The following APBB2 variants were observed in gnomAD, a reference collection of about 807,000 sequenced individuals.
The protein encoded by APBB2 is amyloid beta precursor protein binding family B member 2, also known as Fe65-like 1.
In APBB2, 38 loss-of-function variants were observed where a neutral mutation model predicts 82.5. That is an observed-to-expected ratio of 0.46 (90% CI 0.36 to 0.60). The LOEUF is 0.60. Ranked by LOEUF, APBB2 falls within the 20% of genes least tolerant of loss-of-function variation. The probability of loss-of-function intolerance (pLI) is 0.00; values close to 1 mark genes in which losing one functional copy is unlikely to be tolerated. For missense variants in APBB2, 772 were observed against 972.3 expected (o/e 0.79, Z 2.74); for synonymous variants, 341 against 368.2 (o/e 0.93, Z 0.85).
At chr4:41,087,066 G>GGA (rs1293275595) in intron 3 of APBB2, among the ~76,000 whole-genome samples, 1 of 152,160 alleles carries the variant, frequency 6.6e-6, no homozygotes, top group Admixed American at 6.5e-5. Flanking sequence ...CTTGAGCCCA[G>GGA]GAGTTCAAAG....
At chr4:40,955,041 C>G (rs777461097) in intron 6 of APBB2, among the ~76,000 whole-genome samples, 1 of 152,226 alleles carries the variant, frequency 6.6e-6, no homozygotes, top group Non-Finnish European at 1.5e-5. Context: ...CATTCATCCA[C>G]TTACTCATTC....
At chr4:41,004,405 C>T (rs1289487505) in intron 6 of APBB2, among the ~76,000 whole-genome samples, 1 of 152,184 alleles carries the variant, frequency 6.6e-6, no homozygotes, top group Non-Finnish European at 1.5e-5. Flanking sequence ...CACAAAGACA[C>T]ATTTTGTCAG....
intron 12 of APBB2, among the ~76,000 whole-genome samples, chr4:40,836,297 C>T (rs1753919984): frequency 6.6e-6 from 1 of 152,082 alleles, no homozygotes; most frequent in African/African-American, 2.4e-5. Flanking sequence ...GCCAACATGG[C>T]AAAACACCAT....
chr4:40,976,493 T>A (rs1797203406), intron 6 of APBB2, among the ~76,000 whole-genome samples: 1 of 152,246 alleles, frequency 6.6e-6, no homozygotes, highest in South Asian at 2.1e-4. Context: ...ATCTTTTAGT[T>A]AAGGGACTGG....
intron 10 of APBB2, among the ~76,000 whole-genome samples, chr4:40,905,799 C>T (rs530388693): frequency 2.0e-5 from 3 of 152,284 alleles, no homozygotes; most frequent in South Asian, 2.1e-4. Context: ...TGCTTCCTCA[C>T]GCTTATTCAG....
At chr4:41,137,422 C>T (rs1757889587) in intron 2 of APBB2, among the ~76,000 whole-genome samples, 1 of 152,058 alleles carries the variant, frequency 6.6e-6, no homozygotes, top group Non-Finnish European at 1.5e-5. Context: ...CTGGAAAATG[C>T]ACTTTGATTG....
intron 4 of APBB2, among the ~76,000 whole-genome samples, chr4:41,058,241 A>AT (rs1201150993): frequency 1.3e-5 from 2 of 152,274 alleles, no homozygotes; most frequent in East Asian, 3.9e-4. Context: ...TTACAACAAA[A>AT]TAAGACTGCA....
At chr4:40,900,549 G>A (rs1288000547) in intron 10 of APBB2, among the ~76,000 whole-genome samples, 1 of 149,918 alleles carries the variant, frequency 6.7e-6, no homozygotes, top group Non-Finnish European at 1.5e-5. Context: ...TCTGCCTCCT[G>A]GGTTCAAGCA....
intron 11 of APBB2, chr4:40,893,004 C>A: frequency 3.1e-6 from 1 of 317,556 alleles, no homozygotes; most frequent in East Asian, 5.2e-5. Flanking sequence ...GAGTTCTGGG[C>A]CCCTAAAGCT....
intron 6 of APBB2, among the ~76,000 whole-genome samples, chr4:41,003,054 C>A (rs1458997459): frequency 6.6e-6 from 1 of 152,178 alleles, no homozygotes; most frequent in Non-Finnish European, 1.5e-5. Context: ...AACTATGCCA[C>A]CCTCCAGAAC....
rs1752316788 is a variant in APBB2 at position 40,832,366 on chromosome 4, C to T, written c.1530-1789G>A. ...TGCAGTGGGGCTCCCTAAGCCCAGGCTCCAGCTCAGCAGCACCTCACCTGG... is the reference window on the plus strand; with the variant it reads ...TGCAGTGGGGCTCCCTAAGCCCAGGTTCCAGCTCAGCAGCACCTCACCTGG... On this transcript the variant is annotated intron_variant, in intron 12 of 17. Coordinates refer to ENST00000508593, the MANE Select transcript of APBB2 (RefSeq NM_004307.2). This position sits in a 1 kb window ranked among gnomAD's most constrained non-coding sequence, Gnocchi z 4.8. 6.6e-6 allele frequency among the ~76,000 whole-genome samples: 1 copy of T among 152,206 alleles called. No individual in the cohort carries two copies. Among genetic ancestry groups the T allele is most frequent in the Non-Finnish European group, 1.5e-5 (1 of 68,036 alleles).
chr4:40,977,558 C>T (rs551769790), intron 6 of APBB2, among the ~76,000 whole-genome samples: 34 of 152,286 alleles, frequency 2.2e-4, no homozygotes, highest in Non-Finnish European at 4.9e-4. Context: ...GGTGATCCTC[C>T]CACTTCGGCC....
At chr4:40,948,462 C>T (rs970889080) in intron 6 of APBB2, among the ~76,000 whole-genome samples, 1 of 152,028 alleles carries the variant, frequency 6.6e-6, no homozygotes, top group Admixed American at 6.6e-5. Context: ...GTGACAGCTA[C>T]TCAAGAGGCT....
chr4:40,866,177 C>G (rs1351254803), intron 12 of APBB2, among the ~76,000 whole-genome samples: 1 of 152,230 alleles, frequency 6.6e-6, no homozygotes, highest in Non-Finnish European at 1.5e-5. Flanking sequence ...CGGCTTTATT[C>G]ATGGTTCATG....
chr4:40,970,006 A>G (rs1443857010), intron 6 of APBB2, among the ~76,000 whole-genome samples: 2 of 152,198 alleles, frequency 1.3e-5, no homozygotes, highest in East Asian at 3.8e-4. Context: ...TCCTGCCCTT[A>G]CATGTATTGA....
At position 40,880,711 on chromosome 4, in the gene APBB2, T is replaced by G. The variant is rs576831793; in HGVS notation, c.1529+9653A>C. On this transcript the variant is annotated intron_variant, in intron 12 of 17. Coordinates refer to ENST00000508593, the MANE Select transcript of APBB2 (RefSeq NM_004307.2). ...TGCATCCAGAAAGGCCCATCCTTTG[T>G]CTGGCTCAGGACTCAGGGGAAGTGC... 4.1e-6 allele frequency: 4 copies of G among 985,444 alleles called. No individual in the cohort carries two copies. The South Asian group carries it at 1.9e-4, about 46-fold the overall frequency. The allele number at this position is 985,444 out of a possible 1,614,324, so 61.0% of individuals were successfully genotyped here. A position where few individuals can be genotyped will look rare whatever the true frequency, so the allele number is the denominator to read the frequency against.
In APBB2 at chr4:40,833,879, C is replaced by T. The variant is rs182117940; in HGVS notation, c.1530-3302G>A. On this transcript the variant is annotated intron_variant, in intron 12 of 17. Coordinates refer to ENST00000508593, the MANE Select transcript of APBB2 (RefSeq NM_004307.2). ...TTACCGACACGGCGGATGAACAGGT[C>T]CTGGTCAATAAGCAATGGATTATTC... 3.8e-3 allele frequency among the ~76,000 whole-genome samples: 577 copies of T among 152,354 alleles called. 7 individuals carry two copies. Among genetic ancestry groups the T allele is most frequent in the African/African-American group, 0.013 (542 of 41,572 alleles).
intron 2 of APBB2, among the ~76,000 whole-genome samples, chr4:41,112,461 C>A (rs771876848): frequency 1.3e-5 from 2 of 152,238 alleles, no homozygotes; most frequent in African/African-American, 2.4e-5. Flanking sequence ...GGCCTGGCAG[C>A]GCCCTGCACA....
intron 12 of APBB2, among the ~76,000 whole-genome samples, chr4:40,867,854 A>G (rs942698222): frequency 2.2e-4 from 28 of 124,624 alleles, no homozygotes; most frequent in African/African-American, 8.9e-4. Flanking sequence ...AGCTTAGACA[A>G]TTTCTGGGGC....
Sources: allele counts gnomAD v4.1 joint callset (sites outside exome capture counted in the v4.1 genomes callset), GRCh38; gene constraint gnomAD v4.1.1; non-coding constraint Gnocchi (gnomAD v3.1); transcripts MANE v1.5; gene names NCBI Gene and HGNC (gene_info 2026-07-23, HGNC 2026-07-21).